GCLC: variants seen among roughly 807,000 people sequenced by gnomAD.
The protein encoded by GCLC is glutamate-cysteine ligase catalytic subunit, also known as glutamate--cysteine ligase catalytic subunit.
Under a neutral mutation model 81.5 loss-of-function variants are expected in GCLC, and 30 were observed. That is an observed-to-expected ratio of 0.37 (90% CI 0.28 to 0.50). The LOEUF is 0.50. GCLC is among the 20% of genes least tolerant of loss of function. GCLC has a pLI of 0.96. For synonymous variants in GCLC, 262 were observed against 273.3 expected (o/e 0.96, Z 0.41); for missense variants, 556 against 777.4 (o/e 0.72, Z 3.39).
In GCLC at chr6:53,500,553, T is replaced by C. The variant is rs749626389; in HGVS notation, c.1396-40A>G. 1.3e-5 allele frequency: 18 copies of C among 1,398,966 alleles called. No homozygotes were observed. The African/African-American group carries it at 2.1e-4, about 16-fold the overall frequency. 86.7% of individuals were successfully genotyped at this position (1,398,966 alleles called of 1,614,324 possible). A position where few individuals can be genotyped will look rare whatever the true frequency, so the allele number is the denominator to read the frequency against. The stretch of plus-strand genomic sequence containing the variant: ...GAATCACGACTAAGTCAAAATATTC[T>C]TGATCAGACATACAAGTTGCAGCAC... On this transcript the variant is annotated intron_variant, in intron 12 of 15. Transcript: ENST00000650454.
intron 15 of GCLC, 116 bp downstream of exon 15, chr6:53,499,929 A>C: frequency 1.3e-6 from 1 of 767,378 alleles, no homozygotes; most frequent in Non-Finnish European, 2.2e-6. Flanking sequence ...AAATATAAAA[A>C]TGTGAAACTG....
intron 12 of GCLC, 191 bp from the exon 13 acceptor site, chr6:53,500,704 T>C (rs1764494582): frequency 3.3e-6 from 2 of 610,790 alleles, no homozygotes; most frequent in African/African-American, 3.7e-5. Context: ...TGGATTGGTA[T>C]GTGATTTTTC....
chr6:53,516,235 G>T lies in GCLC; in HGVS notation c.447-13C>A. ...AGGACAGCCTAATCTACAACAAATT[G>T]AAGAACTAAATAGATGGGATTTGTT... On this transcript the variant is annotated splice_polypyrimidine_tract_variant and intron_variant, in intron 3 of 15. Transcript: ENST00000650454. The T allele has an allele frequency of 2.0e-6, 3 of 1,491,776 alleles. No individual in the cohort carries two copies. Among genetic ancestry groups the T allele is most frequent in the Non-Finnish European group, 2.8e-6 (3 of 1,068,354 alleles). 92.4% of individuals were successfully genotyped at this position (1,491,776 alleles called of 1,614,324 possible). A position where few individuals can be genotyped will look rare whatever the true frequency, so the allele number is the denominator to read the frequency against.
rs763072984 is a variant in GCLC, at chr6:53,500,238, CCCT to C, written c.1581+6_1581+8del. ...CAGTGAGGGGTACTGTACAGGGCCACCCTCCTACCTTCCCATTGATGATGGTGT... is the reference window on the plus strand; with the variant it reads ...CAGTGAGGGGTACTGTACAGGGCCACCCTACCTTCCCATTGATGATGGTGT... On this transcript the variant is annotated splice_donor_region_variant and intron_variant, in intron 14 of 15. Transcript: ENST00000650454. 6.2e-7 allele frequency: 1 copy of C among 1,613,354 alleles called. No homozygotes were observed. The highest frequency in any genetic ancestry group is 8.5e-7 in the Non-Finnish European group (1 of 1,179,288).
intron 6 of GCLC, among the ~76,000 whole-genome samples, chr6:53,512,345 T>A (rs929200060): frequency 6.6e-6 from 1 of 152,132 alleles, no homozygotes; most frequent in African/African-American, 2.4e-5. Context: ...AAGTCTTCCA[T>A]TAGCCTTACA....
rs981882760 is a variant in GCLC, at chr6:53,544,847, G to C, written c.-202C>G. 23 of 443,094 alleles carry C rather than the reference G, an allele frequency of 5.2e-5. No individual in the cohort carries two copies. The highest frequency in any genetic ancestry group is 2.2e-4 in the South Asian group (5 of 23,170). 27.4% of individuals were successfully genotyped at this position (443,094 alleles called of 1,614,324 possible). On this transcript the variant is annotated 5_prime_UTR_variant, in exon 1 of 16. Coordinates refer to ENST00000650454, the MANE Select transcript of GCLC (RefSeq NM_001498.4). ...CCCTGGCGCCCAGGTGACAGACCCT[G>C]GGTCCGACGCACCGCGCGGAGGCGA...
intron 6 of GCLC, chr6:53,513,393 C>A (rs537452195): frequency 1.3e-5 from 2 of 152,344 alleles, no homozygotes; most frequent in South Asian, 4.1e-4. Flanking sequence ...AACAAGCAGC[C>A]TCTCTCTTTT....
At chr6:53,543,486 C>T (rs1185361554) in intron 1 of GCLC, among the ~76,000 whole-genome samples, 4 of 151,532 alleles carry the variant, frequency 2.6e-5, no homozygotes, top group Admixed American at 2.0e-4. Context: ...AGATATTCTG[C>T]ACTGGTGTAA....
intron 1 of GCLC, among the ~76,000 whole-genome samples, chr6:53,534,445 A>G (rs1183980218): frequency 3.4e-5 from 5 of 147,098 alleles, no homozygotes; most frequent in Admixed American, 1.3e-4. Flanking sequence ...ATGGAGTAAC[A>G]GGGGCTAAAT....
chr6:53,544,593 T>C lies in GCLC; in HGVS notation c.53A>G (p.His18Arg). The C allele has an allele frequency of 1.9e-6, 3 of 1,604,814 alleles. No individual in the cohort carries two copies. The highest frequency in any genetic ancestry group is 1.7e-6 in the Non-Finnish European group (2 of 1,179,570). The change falls in exon 1 of 16, where the codon CAT becomes CGT. Residue 18 changes from histidine to arginine, a missense_variant. By Grantham distance (29) the His-to-Arg change is conservative (BLOSUM62 0). Around this residue, in one of 3 missense-constraint regions of GCLC, gnomAD observed 234 missense variants for 303.8 expected, o/e 0.77. Transcript: ENST00000650454. ...CCCGTGCCGCCGCACGTGGTCGGCA[T>C]GGCGCTTGGTTTCCTCCCAGCTCAG... ...SPLSWEETKR[H>R]ADHVRRHGIL...
intron 1 of GCLC, among the ~76,000 whole-genome samples, chr6:53,533,306 G>T (rs924348468): frequency 2.6e-5 from 4 of 152,130 alleles, no homozygotes; most frequent in Non-Finnish European, 5.9e-5. Context: ...CATTTATTTT[G>T]ATCTGACACC....
chr6:53,525,333 T>G (rs1239971137), intron 1 of GCLC, among the ~76,000 whole-genome samples: 1 of 152,204 alleles, frequency 6.6e-6, no homozygotes, highest in African/African-American at 2.4e-5. Context: ...ACTGCATATT[T>G]AAAAGTCAAA....
intron 4 of GCLC, 37 bp from the exon 5 acceptor site, chr6:53,514,534 T>A: frequency 1.4e-6 from 2 of 1,445,248 alleles, no homozygotes; most frequent in Non-Finnish European, 1.9e-6. Context: ...ATTGGTCACC[T>A]AAGAGTCATC....
intron 1 of GCLC, among the ~76,000 whole-genome samples, chr6:53,532,784 A>C (rs1157787582): frequency 6.6e-6 from 1 of 152,104 alleles, no homozygotes; most frequent in African/African-American, 2.4e-5. Context: ...GAGGGGGACA[A>C]AGACAACAGG....
intron 1 of GCLC, among the ~76,000 whole-genome samples, chr6:53,543,920 G>A (rs1763401540): frequency 6.6e-6 from 1 of 152,164 alleles, no homozygotes; most frequent in Non-Finnish European, 1.5e-5. Flanking sequence ...CCTCCCCCAT[G>A]TAGGAAACTG....
intron 6 of GCLC, among the ~76,000 whole-genome samples, chr6:53,512,304 T>A (rs935753658): frequency 6.6e-6 from 1 of 152,156 alleles, no homozygotes; most frequent in African/African-American, 2.4e-5. Flanking sequence ...ATAATTTGAA[T>A]GTGGTTAAAA....
Position 53,498,706 on chromosome 6 carries a change from T to C in GCLC, c.*50A>G. The C allele has an allele frequency of 4.4e-6, 5 of 1,129,086 alleles. No homozygotes were observed. Among genetic ancestry groups the C allele is most frequent in the Non-Finnish European group, 6.8e-6 (5 of 739,050 alleles). 69.9% of individuals were successfully genotyped at this position (1,129,086 alleles called of 1,614,324 possible). ...ATACACACGGGCTGGCTGAGAGGCA[T>C]GGTACTGTAGCCAGTTCGTCAATAA... On this transcript the variant is annotated 3_prime_UTR_variant, in exon 16 of 16. Coordinates refer to ENST00000650454, the MANE Select transcript of GCLC (RefSeq NM_001498.4).
chr6:53,539,756 C>T (rs906978557), intron 1 of GCLC, among the ~76,000 whole-genome samples: 1 of 152,176 alleles, frequency 6.6e-6, no homozygotes, highest in African/African-American at 2.4e-5. Context: ...CTCCACGTGG[C>T]ACACCATCCA....
intron 1 of GCLC, among the ~76,000 whole-genome samples, chr6:53,539,633 T>C (rs1266853593): frequency 3.9e-5 from 6 of 152,154 alleles, no homozygotes; most frequent in African/African-American, 7.2e-5. Flanking sequence ...TCCAAGTCCA[T>C]GGCTCTATAA....
Sources: allele counts gnomAD v4.1 joint callset (sites outside exome capture counted in the v4.1 genomes callset), GRCh38; gene constraint gnomAD v4.1.1; regional missense constraint gnomAD v4.1.1; transcripts MANE v1.5; gene names NCBI Gene and HGNC (gene_info 2026-07-23, HGNC 2026-07-21).